PLEKHH2: variants seen among roughly 807,000 people sequenced by gnomAD.
The protein encoded by PLEKHH2 is pleckstrin homology, MyTH4 and FERM domain containing H2.
Under a neutral mutation model 187.9 loss-of-function variants are expected in PLEKHH2, and 129 were observed. That is an observed-to-expected ratio of 0.69 (90% confidence interval 0.59 to 0.79). The LOEUF is 0.79. Ranked by LOEUF, PLEKHH2 falls within the 30% of genes least tolerant of loss-of-function variation. The probability of loss-of-function intolerance (pLI) is 0.00; values close to 1 mark genes in which losing one functional copy is unlikely to be tolerated. For synonymous variants in PLEKHH2, 686 were observed against 605.6 expected (o/e 1.13, Z -1.95); for missense variants, 2,076 against 1,751.2 (o/e 1.19, Z -3.31).
chr2:43,759,021 C>G lies in PLEKHH2; in HGVS notation c.4063C>G (p.Leu1355Val). 2 of 1,611,608 alleles carry G rather than the reference C, an allele frequency of 1.2e-6. No individual in the cohort carries two copies. Among genetic ancestry groups the G allele is most frequent in the Non-Finnish European group, 1.7e-6 (2 of 1,178,328 alleles). The change falls in exon 27 of 30, where the codon CTT becomes GTT. Residue 1355 changes from leucine to valine, a missense_variant. Physicochemically the swap from Leu to Val is conservative, Grantham distance 32 (BLOSUM62 1). Transcript: ENST00000282406. ...KWPFFGAKLF[L>V]AKPITPSSLG... ...GCCATTCTTTGGTGCCAAGTTGTTT[C>G]TTGCAAAAGTAAGAAAGAATGGGAG... is the stretch of plus-strand genomic sequence containing the variant.
chr2:43,753,764 A>G lies in PLEKHH2; in HGVS notation c.3795+4A>G. The G allele has an allele frequency of 6.4e-7, 1 of 1,567,734 alleles. No individual in the cohort carries two copies. Among genetic ancestry groups the G allele is most frequent in the South Asian group, 1.2e-5 (1 of 80,848 alleles). On this transcript the variant is annotated splice_donor_region_variant and intron_variant, in intron 25 of 29. Transcript: ENST00000282406. Reference sequence around the variant, plus strand: ...AATGGCAGCTCTTTTATCTCAGGTAACTTCCATGTTATATGGAGTAATATA... The same window carrying G: ...AATGGCAGCTCTTTTATCTCAGGTAGCTTCCATGTTATATGGAGTAATATA...
At chr2:43,679,225 T>TGCTTTA (rs1243688659) in intron 3 of PLEKHH2, among the ~76,000 whole-genome samples, 2 of 152,186 alleles carry the variant, frequency 1.3e-5, no homozygotes, top group African/African-American at 4.8e-5. Flanking sequence ...TGTTCATAGT[T>TGCTTTA]GCTTTATTTG....
intron 2 of PLEKHH2, among the ~76,000 whole-genome samples, chr2:43,646,329 A>G (rs1181549207): frequency 6.6e-6 from 1 of 152,128 alleles, no homozygotes; most frequent in Middle Eastern, 3.2e-3. Flanking sequence ...TTTTCCAACA[A>G]CCCCAACTGC....
At chr2:43,744,135 TGCAGGA>T in intron 23 of PLEKHH2, 146 bp downstream of exon 23, 1 of 1,398,370 alleles carries the variant, frequency 7.2e-7, no homozygotes, top group Non-Finnish European at 9.3e-7. Flanking sequence ...AAAAAAAAAA[TGCAGGA>T]CTTTGTTAAA....
chr2:43,764,512 T>A, intron 29 of PLEKHH2, 147 bp downstream of exon 29: 2 of 811,396 alleles, frequency 2.5e-6, no homozygotes, highest in South Asian at 4.0e-5. Context: ...CAGACGTTAT[T>A]TATAGTCAAA....
At chr2:43,668,322 G>A (rs921971209) in intron 2 of PLEKHH2, among the ~76,000 whole-genome samples, 1 of 152,156 alleles carries the variant, frequency 6.6e-6, no homozygotes, top group Non-Finnish European at 1.5e-5. Flanking sequence ...ATGAGCCATC[G>A]CACCTGGCCA....
intron 2 of PLEKHH2, among the ~76,000 whole-genome samples, chr2:43,677,979 C>T (rs1009202558): frequency 6.6e-6 from 1 of 151,604 alleles, no homozygotes; most frequent in African/African-American, 2.4e-5. Flanking sequence ...CGGAGGGGCT[C>T]CTCACTTCTC....
At position 43,704,056 on chromosome 2, in the gene PLEKHH2, A is replaced by AG; in HGVS notation, c.1726+1dup. The stretch of plus-strand genomic sequence containing the variant: ...CTTCAATATGGAGAGTGTTAATAAA[A>AG]GTAAGTGCTTTTTCATGCTGCCACC... On this transcript the variant is annotated frameshift_variant and splice_region_variant. Transcript: ENST00000282406. LOFTEE classifies it high-confidence loss of function. 1 of 1,590,994 alleles carries AG rather than the reference A, an allele frequency of 6.3e-7. No homozygotes were observed. Among genetic ancestry groups the AG allele is most frequent in the Non-Finnish European group, 8.6e-7 (1 of 1,160,744 alleles).
chr2:43,652,313 C>T (rs571897786), intron 2 of PLEKHH2, among the ~76,000 whole-genome samples: 108 of 152,146 alleles, frequency 7.1e-4, no homozygotes, highest in Non-Finnish European at 6.9e-4. Context: ...CATGTCACTC[C>T]GCCTCTAGGT....
intron 9 of PLEKHH2, among the ~76,000 whole-genome samples, chr2:43,705,926 C>A (rs1289303706): frequency 6.6e-6 from 1 of 152,122 alleles, no homozygotes; most frequent in Non-Finnish European, 1.5e-5. Flanking sequence ...GGTTTTGATA[C>A]CATGCTGGTA....
At chr2:43,693,668 G>A (rs978613643) in intron 4 of PLEKHH2, among the ~76,000 whole-genome samples, 13 of 137,370 alleles carry the variant, frequency 9.5e-5, no homozygotes, top group African/African-American at 2.0e-4. Flanking sequence ...AGCTTGCAGT[G>A]AGCCGAGATT....
At chr2:43,758,628 T>C (rs562865451) in intron 26 of PLEKHH2, among the ~76,000 whole-genome samples, 5 of 152,190 alleles carry the variant, frequency 3.3e-5, no homozygotes, top group Middle Eastern at 3.2e-3. Flanking sequence ...GTTTTGATGG[T>C]AGATATTCAG....
chr2:43,703,945 T>G lies in PLEKHH2; in HGVS notation c.1651-36T>G, dbSNP rs1466668045. ...TTTTTTTTTTTTTTTTTTTTTTGCT[T>G]TAAATACCCTGTTCAAACTCTCTCT... On this transcript the variant is annotated intron_variant, in intron 8 of 29. Transcript: ENST00000282406. The G allele has an allele frequency of 6.0e-6, 4 of 671,592 alleles. No individual in the cohort carries two copies. The African/African-American group carries it at 8.0e-5, about 14-fold the overall frequency. The allele number at this position is 671,592 out of a possible 1,614,324, so 41.6% of individuals were successfully genotyped here. A position where few individuals can be genotyped will look rare whatever the true frequency, so the allele number is the denominator to read the frequency against.
At chr2:43,750,174 C>G (rs528583411) in intron 24 of PLEKHH2, among the ~76,000 whole-genome samples, 44 of 152,048 alleles carry the variant, frequency 2.9e-4, no homozygotes, top group Non-Finnish European at 5.6e-4. Context: ...ATTCCAGGAT[C>G]AAGAGACTCT....
chr2:43,727,206 A>C (rs912889939), intron 17 of PLEKHH2, among the ~76,000 whole-genome samples: 5 of 152,240 alleles, frequency 3.3e-5, no homozygotes, highest in African/African-American at 4.8e-5. Flanking sequence ...AAGGTCAGGA[A>C]GATCGAGACC....
At chr2:43,648,174 G>T (rs1408050347) in intron 2 of PLEKHH2, among the ~76,000 whole-genome samples, 5 of 152,040 alleles carry the variant, frequency 3.3e-5, no homozygotes, top group Admixed American at 6.6e-5. Flanking sequence ...GTGTCTTTCT[G>T]GTTTTTTTTG....
At chr2:43,723,468 G>A (rs1366721601) in intron 16 of PLEKHH2, among the ~76,000 whole-genome samples, 3 of 151,924 alleles carry the variant, frequency 2.0e-5, no homozygotes, top group African/African-American at 4.8e-5. Flanking sequence ...TACTTGGGTG[G>A]AGAAGTGAGG....
intron 19 of PLEKHH2, among the ~76,000 whole-genome samples, chr2:43,736,514 G>A (rs1671301224): frequency 6.6e-6 from 1 of 152,130 alleles, no homozygotes; most frequent in African/African-American, 2.4e-5. Context: ...ACAGAGTTCA[G>A]AATTTGAGAA....
At chr2:43,751,914 C>A (rs1672025401) in intron 24 of PLEKHH2, among the ~76,000 whole-genome samples, 1 of 149,618 alleles carries the variant, frequency 6.7e-6, no homozygotes, top group Admixed American at 6.6e-5. Flanking sequence ...AGTATTGTTT[C>A]TCTCTCTCTC....
Sources: gnomAD v4.1 joint callset for allele counts (sites outside exome capture counted in the v4.1 genomes callset) on GRCh38, gnomAD v4.1.1 for gene constraint, MANE v1.5 for transcripts, NCBI Gene and HGNC (gene_info 2026-07-23, HGNC 2026-07-21) for gene names.